GNG2: variants seen among roughly 807,000 people sequenced by gnomAD.
The protein encoded by GNG2 is guanine nucleotide-binding protein G(I)/G(S)/G(O) subunit gamma-2.
In GNG2, 5 loss-of-function variants were observed where a neutral mutation model predicts 5.5. That is an observed-to-expected ratio of 0.91 (90% confidence interval 0.48 to 1.92). The LOEUF (loss-of-function observed/expected upper bound fraction) is 1.92, where lower values mean the gene tolerates loss of function less well. GNG2 is among the 30% of genes most tolerant of loss of function. The pLI is 0.01. For synonymous variants in GNG2, 28 were observed against 32.0 expected (o/e 0.88, Z 0.42); for missense variants, 55 against 88.4 (o/e 0.62, Z 1.52).
chr14:51,966,448 A>G, intron 3 of GNG2, 111 bp from the exon 4 acceptor site: 2 of 896,280 alleles, frequency 2.2e-6, no homozygotes, highest in Non-Finnish European at 3.6e-6. Flanking sequence ...GAGGCTGAGT[A>G]TCTTGCTTCA....
At chr14:51,876,633 ATTAATC>A (rs1350061545) in intron 1 of GNG2, among the ~76,000 whole-genome samples, 1 of 151,872 alleles carries the variant, frequency 6.6e-6, no homozygotes, top group Non-Finnish European at 1.5e-5. Context: ...TTTTGCTGTC[ATTAATC>A]ATGAGATAAT....
chr14:51,857,651 G>C (rs538820162), upstream of GNG2, among the ~76,000 whole-genome samples: 2 of 152,280 alleles, frequency 1.3e-5, no homozygotes, highest in African/African-American at 4.8e-5. Context: ...TGTAAAATAA[G>C]ACAGTGGCAA....
intron 2 of GNG2, 32 bp from the exon 3 acceptor site, chr14:51,950,618 T>C (rs770919668): frequency 7.6e-7 from 1 of 1,314,230 alleles, no homozygotes; most frequent in South Asian, 1.2e-5. Context: ...ATGAATTCTC[T>C]GGTACAATCT....
chr14:51,965,546 A>T (rs1241742403), intron 3 of GNG2, among the ~76,000 whole-genome samples: 1 of 152,226 alleles, frequency 6.6e-6, no homozygotes, highest in African/African-American at 2.4e-5. Context: ...AATATGTTGT[A>T]AGAAATGACA....
At chr14:51,936,427 T>C (rs1416471735) in intron 2 of GNG2, among the ~76,000 whole-genome samples, 2 of 151,668 alleles carry the variant, frequency 1.3e-5, no homozygotes, top group African/African-American at 4.9e-5. Context: ...CAGAGGTGGC[T>C]AAATAGCTTC....
chr14:51,897,931 C>G (rs867264205), intron 2 of GNG2, among the ~76,000 whole-genome samples: 34 of 152,244 alleles, frequency 2.2e-4, no homozygotes, highest in Non-Finnish European at 3.4e-4. Context: ...GACTGGGAGG[C>G]CTGCTAGTAT....
At chr14:51,902,810 T>C (rs1885654924) in intron 2 of GNG2, among the ~76,000 whole-genome samples, 1 of 152,038 alleles carries the variant, frequency 6.6e-6, no homozygotes, top group African/African-American at 2.4e-5. Context: ...ATCATTTGAG[T>C]CTGGCAGGTC....
intron 2 of GNG2, among the ~76,000 whole-genome samples, chr14:51,929,679 T>A (rs1253697): frequency 0.067 from 10,141 of 152,284 alleles, 995 homozygotes; most frequent in African/African-American, 0.21. Flanking sequence ...TGATTTTTCA[T>A]GACATTACAG....
intron 2 of GNG2, among the ~76,000 whole-genome samples, chr14:51,932,473 A>G (rs1212460828): frequency 1.3e-5 from 2 of 151,990 alleles, no homozygotes; most frequent in African/African-American, 4.8e-5. Context: ...AGGAAATAAA[A>G]TTGTGACTGG....
At chr14:51,961,551 C>T (rs117014776) in intron 3 of GNG2, among the ~76,000 whole-genome samples, 1,781 of 152,164 alleles carry the variant, frequency 0.012, 19 homozygotes, top group Non-Finnish European at 0.016. Flanking sequence ...AAACGATGTC[C>T]GTAATTATAA....
chr14:51,831,229 A>AT (rs758319672), intron 2 of GNG2, among the ~76,000 whole-genome samples: 3 of 152,222 alleles, frequency 2.0e-5, no homozygotes, highest in Non-Finnish European at 4.4e-5. Context: ...GTGTTAGCAC[A>AT]TTCTAGCCTC....
At chr14:51,866,648 G>A (rs1002227396) in intron 1 of GNG2, among the ~76,000 whole-genome samples, 51 of 152,052 alleles carry the variant, frequency 3.4e-4, no homozygotes, top group African/African-American at 8.2e-4. Context: ...GGCAAAGGCC[G>A]TGGACAGCAC....
intron 2 of GNG2, among the ~76,000 whole-genome samples, chr14:51,947,281 A>G (rs974412517): frequency 6.6e-6 from 1 of 152,224 alleles, no homozygotes; most frequent in African/African-American, 2.4e-5. Context: ...ATTATGTCAC[A>G]TGGCAGAGAA....
At chr14:51,854,871 C>G (rs948931627) in intron 2 of GNG2, among the ~76,000 whole-genome samples, 2 of 152,118 alleles carry the variant, frequency 1.3e-5, no homozygotes, top group Non-Finnish European at 2.9e-5. Context: ...CCGTCTTTTG[C>G]CTTCTCCCTG....
At chr14:51,938,730 C>G (rs573403172) in intron 2 of GNG2, among the ~76,000 whole-genome samples, 30 of 152,116 alleles carry the variant, frequency 2.0e-4, no homozygotes, top group Non-Finnish European at 3.7e-4. Context: ...AGGTCCAGTT[C>G]CTATTTGGGG....
At chr14:51,835,780 T>C (rs536750740) in intron 2 of GNG2, among the ~76,000 whole-genome samples, 3 of 152,342 alleles carry the variant, frequency 2.0e-5, no homozygotes, top group Non-Finnish European at 2.9e-5. Context: ...TAGAAAACTT[T>C]AGCAAAAACT....
At chr14:51,940,708 T>C (rs776306716) in intron 2 of GNG2, among the ~76,000 whole-genome samples, 40 of 152,294 alleles carry the variant, frequency 2.6e-4, no homozygotes, top group Admixed American at 7.8e-4. Context: ...AATAAATCTT[T>C]ATTGATTTAA....
intron 3 of GNG2, among the ~76,000 whole-genome samples, chr14:51,958,384 G>A (rs1889389212): frequency 6.7e-6 from 1 of 148,316 alleles, no homozygotes; most frequent in Non-Finnish European, 1.5e-5. Flanking sequence ...GGACCTCTCA[G>A]TGGATAGAGC....
At chr14:51,960,577 G>A (rs1889549138) in intron 3 of GNG2, among the ~76,000 whole-genome samples, 1 of 124,614 alleles carries the variant, frequency 8.0e-6, no homozygotes, top group African/African-American at 3.6e-5. Flanking sequence ...TCTTGATCAT[G>A]TGGACGATAT....
Sources: allele counts gnomAD v4.1 joint callset (sites outside exome capture counted in the v4.1 genomes callset), GRCh38; gene constraint gnomAD v4.1.1; transcripts MANE v1.5; gene names NCBI Gene and HGNC (gene_info 2026-07-23, HGNC 2026-07-21).